The following A1CF variants were observed in gnomAD, a reference collection of about 807,000 sequenced individuals.
The protein encoded by A1CF is APOBEC-1 stimulating protein.
A1CF carries 48 observed loss-of-function variants against 68.9 expected under a neutral mutation model. The observed-to-expected ratio is 0.70, with a 90% confidence interval of 0.55 to 0.89. The LOEUF (loss-of-function observed/expected upper bound fraction) is 0.89. Among genes scored for constraint, A1CF ranks in the 40% least tolerant of loss-of-function variants. A1CF has a pLI of 0.00. For synonymous variants in A1CF, 272 were observed against 260.4 expected, an observed-to-expected ratio of 1.04 and a Z score of -0.43; for missense variants, 653 against 718.9, an observed-to-expected ratio of 0.91 and a Z score of 1.05.
At chr10:50,813,272 T>C (rs767714442) in intron 10 of A1CF, among the ~76,000 whole-genome samples, 1 of 152,196 alleles carries the variant, frequency 6.6e-6, no homozygotes, top group Non-Finnish European at 1.5e-5. Context: ...AACCACAGGT[T>C]AATGTTGAAG....
At chr10:50,857,950 G>A (rs992856011) in intron 3 of A1CF, among the ~76,000 whole-genome samples, 3 of 152,146 alleles carry the variant, frequency 2.0e-5, no homozygotes, top group South Asian at 4.1e-4. Context: ...CACAAGCTTC[G>A]ATACCTGTCA....
At chr10:50,874,848 A>G (rs533086934) in intron 1 of A1CF, among the ~76,000 whole-genome samples, 2 of 152,204 alleles carry the variant, frequency 1.3e-5, no homozygotes, top group African/African-American at 2.4e-5. Flanking sequence ...AGCTGTGCAC[A>G]AAAACCAGAC....
chr10:50,814,107 A>G, intron 9 of A1CF, 69 bp from the exon 10 acceptor site: 1 of 1,555,826 alleles, frequency 6.4e-7, no homozygotes, highest in Non-Finnish European at 8.8e-7. Flanking sequence ...CCACCAGAAA[A>G]TCACCCTGAA....
chr10:50,846,523 G>A (rs1465845770), intron 3 of A1CF, among the ~76,000 whole-genome samples: 1 of 151,972 alleles, frequency 6.6e-6, no homozygotes, highest in African/African-American at 2.4e-5. Flanking sequence ...TACATTGGGT[G>A]GTATTTTTAC....
chr10:50,854,329 A>C (rs1840382731), intron 3 of A1CF, among the ~76,000 whole-genome samples: 1 of 152,042 alleles, frequency 6.6e-6, no homozygotes, highest in Non-Finnish European at 1.5e-5. Context: ...GTTAAAATTG[A>C]ATACTTCTCC....
intron 7 of A1CF, among the ~76,000 whole-genome samples, chr10:50,825,318 GCC>G (rs1838866917): frequency 6.6e-6 from 1 of 152,000 alleles, no homozygotes; most frequent in South Asian, 2.1e-4. Flanking sequence ...ATAACCCTAA[GCC>G]ACTACTGCCC....
chr10:50,842,141 T>G (rs1839812271), intron 4 of A1CF, 149 bp from the exon 5 acceptor site: 1 of 652,368 alleles, frequency 1.5e-6, no homozygotes, highest in Admixed American at 3.3e-5. Flanking sequence ...TTGCATCCCA[T>G]GTGGAATGGT....
chr10:50,815,868 G>C, intron 9 of A1CF, 138 bp downstream of exon 9: 1 of 972,100 alleles, frequency 1.0e-6, no homozygotes, highest in Non-Finnish European at 1.5e-6. Context: ...GAAAACTATT[G>C]ATATAATAGT....
chr10:50,806,542 G>T lies in A1CF; in HGVS notation c.*187C>A. On this transcript the variant is annotated 3_prime_UTR_variant, in exon 13 of 13. Transcript: ENST00000373997. ...TTAAACAAAAGGCTCTTTAACATTT[G>T]ATTTCATTTCAGAATAACGTTCTTA... The T allele has an allele frequency of 2.2e-6, 1 of 454,738 alleles. No individual in the cohort carries two copies. The highest frequency in any genetic ancestry group is 3.5e-6 in the Non-Finnish European group (1 of 287,292). The allele number at this position is 454,738 out of a possible 1,614,324, so 28.2% of individuals were successfully genotyped here.
chr10:50,878,062 C>T (rs1021810771), intron 1 of A1CF, among the ~76,000 whole-genome samples: 4 of 152,098 alleles, frequency 2.6e-5, no homozygotes, highest in Non-Finnish European at 5.9e-5. Flanking sequence ...GCGGAGGTTG[C>T]AGTGAGCTGA....
intron 2 of A1CF, among the ~76,000 whole-genome samples, chr10:50,860,198 A>T (rs1006053703): frequency 1.3e-5 from 2 of 152,220 alleles, no homozygotes. Context: ...GAAACAAAAA[A>T]AAATGAACAA....
At chr10:50,832,450 T>G (rs1222390705) in intron 6 of A1CF, among the ~76,000 whole-genome samples, 1 of 152,168 alleles carries the variant, frequency 6.6e-6, no homozygotes, top group Non-Finnish European at 1.5e-5. Flanking sequence ...GCAGCCACAG[T>G]TGAGTACTAC....
At chr10:50,834,218 T>C (rs896010629) in intron 6 of A1CF, among the ~76,000 whole-genome samples, 3 of 152,214 alleles carry the variant, frequency 2.0e-5, no homozygotes, top group Non-Finnish European at 2.9e-5. Flanking sequence ...TCACTTGTTT[T>C]GGACCTTCTT....
chr10:50,818,349 A>G (rs1242990157), intron 8 of A1CF, among the ~76,000 whole-genome samples: 12 of 151,998 alleles, frequency 7.9e-5, no homozygotes, highest in Admixed American at 5.2e-4. Flanking sequence ...ATGCTCAAAA[A>G]CCTTCATAGT....
At position 50,800,394 on chromosome 10, in the gene A1CF, C is replaced by T. The variant is rs1232169938; in HGVS notation, c.*6335G>A. 6.6e-6 allele frequency: 1 copy of T among 152,026 alleles called. No individual in the cohort carries two copies. The highest frequency in any genetic ancestry group is 2.4e-5 in the African/African-American group (1 of 41,398). The allele number at this position is 152,026 out of a possible 1,614,324, so 9.4% of individuals were successfully genotyped here. ...CTTTTAAAAGGCTTATTGTATCAGT[C>T]CAGAGTTTGGCAATAATAGTGGAAA... On this transcript the variant is annotated 3_prime_UTR_variant, in exon 13 of 13. Transcript: ENST00000373997.
chr10:50,832,153 G>A (rs960782079), intron 6 of A1CF, among the ~76,000 whole-genome samples: 2 of 152,148 alleles, frequency 1.3e-5, no homozygotes, highest in Non-Finnish European at 2.9e-5. Flanking sequence ...ACCATGGTAT[G>A]GAATCAACCT....
Position 50,809,422 on chromosome 10 carries a change from T to G in A1CF, c.1609+472A>C, listed in dbSNP as rs925840787. Among the ~76,000 whole-genome samples, 8 of 152,304 alleles carry G rather than the reference T, an allele frequency of 5.3e-5. No homozygotes were observed. In the East Asian group the frequency reaches 1.5e-3, roughly 29 times the overall value. Reference sequence around the variant, plus strand: ...GCTAATTGCCAGTGGCCAAATTACTTAATCTTTCTGTATATGGGCTCTTCA... The same window carrying G: ...GCTAATTGCCAGTGGCCAAATTACTGAATCTTTCTGTATATGGGCTCTTCA... On this transcript the variant is annotated intron_variant, in intron 12 of 12. Transcript: ENST00000373997.
chr10:50,842,095 T>G, intron 4 of A1CF, 103 bp from the exon 5 acceptor site: 2 of 1,116,562 alleles, frequency 1.8e-6, no homozygotes, highest in South Asian at 3.1e-5. Flanking sequence ...ACACAATGCT[T>G]TCTGAAGTTT....
At chr10:50,832,450 T>A (rs1222390705) in intron 6 of A1CF, among the ~76,000 whole-genome samples, 1 of 152,168 alleles carries the variant, frequency 6.6e-6, no homozygotes, top group Non-Finnish European at 1.5e-5. Flanking sequence ...GCAGCCACAG[T>A]TGAGTACTAC....
Sources: allele counts gnomAD v4.1 joint callset (sites outside exome capture counted in the v4.1 genomes callset), GRCh38; gene constraint gnomAD v4.1.1; transcripts MANE v1.5; gene names NCBI Gene and HGNC (gene_info 2026-07-23, HGNC 2026-07-21).